ZNF732: variants seen among roughly 807,000 people sequenced by gnomAD.
ZNF732 encodes the protein zinc finger protein 732, also known as zinc finger protein LOC654254.
In ZNF732, 12 loss-of-function variants were observed where a neutral mutation model predicts 11.5. The observed-to-expected ratio is 1.05, with a 90% CI of 0.67 to 1.70. The LOEUF (loss-of-function observed/expected upper bound fraction) is 1.70. Among genes scored for constraint, ZNF732 ranks in the 40% most tolerant of loss-of-function variants. The pLI, the probability that ZNF732 is intolerant of heterozygous loss-of-function variation, is 0.00. For missense variants in ZNF732, 702 were observed against 676.9 expected, an observed-to-expected ratio of 1.04 and a Z score of -0.41; for synonymous variants, 231 against 236.5, an observed-to-expected ratio of 0.98 and a Z score of 0.21.
Position 286,236 on chromosome 4 carries a change from C to T in ZNF732, c.226+9202G>A, listed in dbSNP as rs147823638. On this transcript the variant is annotated intron_variant, in intron 3 of 3. Transcript: ENST00000419098. ...GAGAAACATCAGAAGCATCATACAT[C>T]ATTACTTTAAAAACTAATTATGAAG... is the stretch of plus-strand genomic sequence containing the variant. Among the ~76,000 whole-genome samples, 998 of 152,282 alleles carry T rather than the reference C, an allele frequency of 6.6e-3. 14 individuals carry two copies. Among genetic ancestry groups the T allele is most frequent in the African/African-American group, 0.023 (939 of 41,530 alleles).
chr4:295,475 G>C lies in ZNF732; in HGVS notation c.189C>G (p.Tyr63Ter), dbSNP rs949564617. Reference protein sequence around the residue: ...VIYLEQRKEPYKVKIHETVAK... With the variant: ...VIYLEQRKEP ...CTACTGTCTCATGTATCTTCACTTT[G>C]TAGGGCTCCTTTCTTTGCTCCAGAT... is the stretch of plus-strand genomic sequence containing the variant. Residue 63 changes from tyrosine (Y) to a stop codon, truncating the protein, a stop_gained, in exon 3 of 4, where the codon TAC becomes TAG. Coordinates refer to ENST00000419098, the MANE Select transcript of ZNF732 (RefSeq NM_001137608.3). LOFTEE classifies it low-confidence loss of function (END_TRUNC). 1.9e-6 allele frequency: 3 copies of C among 1,611,968 alleles called. No individual in the cohort carries two copies. The African/African-American group carries it at 4.0e-5, about 22-fold the overall frequency.
At chr4:283,123 C>T (rs1005260404) in intron 3 of ZNF732, among the ~76,000 whole-genome samples, 6 of 152,048 alleles carry the variant, frequency 3.9e-5, no homozygotes, top group African/African-American at 9.7e-5. Flanking sequence ...CATTATTCCA[C>T]GAGTGGGTTA....
chr4:271,787 G>T lies in ZNF732; in HGVS notation c.1070C>A (p.Thr357Asn), dbSNP rs782528668. 1 of 1,612,280 alleles carries T rather than the reference G, an allele frequency of 6.2e-7. No individual in the cohort carries two copies. ...TTCACATTTGTAGGGCTTCTCTCCA[G>T]TATGAATTCTCTTATGTTCATTCAG... is the stretch of plus-strand genomic sequence containing the variant. ...SVLNEHKRIHTGEKPYKCEQC... is the reference protein window; with the variant it reads ...SVLNEHKRIHNGEKPYKCEQC... Residue 357 changes from threonine to asparagine, a missense_variant, in exon 4 of 4, where the codon ACT becomes AAT. Coordinates refer to ENST00000419098, the MANE Select transcript of ZNF732 (RefSeq NM_001137608.3).
intron 3 of ZNF732, among the ~76,000 whole-genome samples, chr4:294,620 A>T (rs956770743): frequency 6.6e-6 from 1 of 152,184 alleles, no homozygotes; most frequent in Non-Finnish European, 1.5e-5. Context: ...CAAAACTTTG[A>T]ATGAGAGGGC....
At chr4:295,093 T>C (rs1719917370) in intron 3 of ZNF732, among the ~76,000 whole-genome samples, 1 of 152,074 alleles carries the variant, frequency 6.6e-6, no homozygotes, top group Non-Finnish European at 1.5e-5. Context: ...AAAAAGAATA[T>C]TTGAAAAAAA....
Position 271,028 on chromosome 4 carries a change from C to T in ZNF732, c.*71G>A. ...TTCTTCACATTTGTATAGTTTATTT[C>T]CAGTATAAATTTTCTTATGTTCATT... is the stretch of plus-strand genomic sequence containing the variant. On this transcript the variant is annotated 3_prime_UTR_variant, in exon 4 of 4. Transcript: ENST00000419098. 1 of 1,208,304 alleles carries T rather than the reference C, an allele frequency of 8.3e-7. No individual in the cohort carries two copies. The highest frequency in any genetic ancestry group is 1.2e-6 in the Non-Finnish European group (1 of 866,858). The allele number at this position is 1,208,304 out of a possible 1,614,324, so 74.8% of individuals were successfully genotyped here. A position where few individuals can be genotyped will look rare whatever the true frequency, so the allele number is the denominator to read the frequency against.
In ZNF732 at chr4:271,587, C is replaced by T; in HGVS notation, c.1270G>A (p.Gly424Ser). 1.2e-6 allele frequency: 2 copies of T among 1,613,280 alleles called. No homozygotes were observed. The highest frequency in any genetic ancestry group is 1.3e-5 in the African/African-American group (1 of 75,040). The change falls in exon 4 of 4, where the codon GGC (glycine) becomes AGC (serine). Residue 424 changes from glycine to serine, a missense_variant. Gly to Ser is a moderately conservative substitution (Grantham distance 56). Transcript: ENST00000419098. ...GERPHKCEEC[G>S]KAFGWSTDLN... The stretch of plus-strand genomic sequence containing the variant: ...TCTGTGGACCATCCAAAGGCTTTGC[C>T]ACACTCTTCACATTTGTGGGGCCTC...
rs1210029477 is a variant in ZNF732 at position 271,384 on chromosome 4, T to G, written c.1473A>C (p.Lys491Asn). 6.3e-7 allele frequency: 1 copy of G among 1,599,212 alleles called. No individual in the cohort carries two copies. Among genetic ancestry groups the G allele is most frequent in the Non-Finnish European group, 8.5e-7 (1 of 1,172,426 alleles). Residue 491 changes from lysine (K) to asparagine (N), a missense_variant, in exon 4 of 4, where the codon AAA (lysine) becomes AAC (asparagine). Lys to Asn is a moderately conservative substitution (Grantham distance 94). Around this residue, in one of 3 missense-constraint regions of ZNF732, gnomAD observed 12 missense variants for 31.5 expected, o/e 0.38. Transcript: ENST00000419098. Reference sequence around the variant, plus strand: ...TCTCTCCAGTATGAATTGTCTTATGTTTATTCAGGGCTCTGGAACATAAAA... The same window carrying G: ...TCTCTCCAGTATGAATTGTCTTATGGTTATTCAGGGCTCTGGAACATAAAA... ...KAFLCSRALN[K>N]HKTIHTGEKP...
intron 1 of ZNF732, among the ~76,000 whole-genome samples, 200 bp from the exon 2 acceptor site, chr4:296,355 A>T (rs1322137622): frequency 1.3e-5 from 2 of 152,138 alleles, no homozygotes; most frequent in Non-Finnish European, 2.9e-5. Flanking sequence ...CAATAAAAAT[A>T]ACGGGCTACA....
At chr4:292,896 A>C (rs1553841548) in intron 3 of ZNF732, among the ~76,000 whole-genome samples, 3 of 125,180 alleles carry the variant, frequency 2.4e-5, no homozygotes, top group Admixed American at 7.6e-5. Context: ...AACACAAAAA[A>C]AAAAAAAAAA....
intron 3 of ZNF732, among the ~76,000 whole-genome samples, chr4:288,944 G>A (rs934583744): frequency 1.1e-4 from 16 of 152,074 alleles, no homozygotes; most frequent in African/African-American, 3.9e-4. Flanking sequence ...GTTTATCCTC[G>A]TATTGCTATA....
rs539105679 is a variant in ZNF732 at position 273,810 on chromosome 4, A to G, written c.227-1180T>C. ...CTGTGGTCTTAAAAGATTACCAGTG[A>G]ATCTGTCAACAAAACTATTTCGCAA... On this transcript the variant is annotated intron_variant, in intron 3 of 3. Coordinates refer to ENST00000419098, the MANE Select transcript of ZNF732 (RefSeq NM_001137608.3). 1.3e-4 allele frequency among the ~76,000 whole-genome samples: 20 copies of G among 151,886 alleles called. No individual in the cohort carries two copies. The South Asian group carries it at 4.1e-3, about 31-fold the overall frequency.
intron 3 of ZNF732, 54 bp from the exon 4 acceptor site, chr4:272,684 TTAAAAATC>T (rs1719415657): frequency 7.2e-7 from 1 of 1,389,042 alleles, no homozygotes. Flanking sequence ...CGAATATACT[TTAAAAATC>T]TAATATATAA....
At chr4:299,502 TAC>T (rs1211729570) in intron 1 of ZNF732, among the ~76,000 whole-genome samples, 14 of 105,582 alleles carry the variant, frequency 1.3e-4, no homozygotes, top group East Asian at 5.4e-4. Flanking sequence ...TGTGTATATA[TAC>T]ACACATATAC....
At chr4:301,774 G>A (rs747749859) in intron 1 of ZNF732, among the ~76,000 whole-genome samples, 4 of 152,174 alleles carry the variant, frequency 2.6e-5, no homozygotes, top group East Asian at 1.9e-4. Context: ...TATAAATGAC[G>A]AGTTAATGGG....
At position 272,476 on chromosome 4, in the gene ZNF732, AT is replaced by A. The variant is rs781854020; in HGVS notation, c.380del (p.Asn127MetfsTer35). On this transcript the variant is annotated frameshift_variant, in exon 4 of 4. Transcript: ENST00000419098. LOFTEE classifies it low-confidence loss of function (END_TRUNC). The stretch of plus-strand genomic sequence containing the variant: ...TAGTTGACAAGCATTGATTAAATTC[AT>A]TATAACCTCCTTTCTGCACCTTCCT... ...CKRKVQKGGY[N>X]EFNQCLSTIQ... The A allele has an allele frequency of 8.1e-6, 13 of 1,602,472 alleles. No homozygotes were observed. The Admixed American group carries it at 2.1e-4, about 26-fold the overall frequency.
chr4:304,574 C>T (rs570728426), intron 1 of ZNF732, among the ~76,000 whole-genome samples: 9 of 150,264 alleles, frequency 6.0e-5, no homozygotes, highest in East Asian at 2.0e-4. Flanking sequence ...CTGCCCCCCC[C>T]CTGCAGACGG....
chr4:275,609 A>G (rs1351065870), intron 3 of ZNF732, among the ~76,000 whole-genome samples: 5 of 151,804 alleles, frequency 3.3e-5, no homozygotes, highest in African/African-American at 9.7e-5. Context: ...GGTCACATGA[A>G]GAGTAATTTA....
In ZNF732 at chr4:272,141, G is replaced by C. The variant is rs1553837790; in HGVS notation, c.716C>G (p.Ala239Gly). Residue 239 changes from alanine to glycine, a missense_variant, in exon 4 of 4, where the codon GCT (alanine) becomes GGT (glycine). Physicochemically the swap from Ala to Gly is moderately conservative, Grantham distance 60 (BLOSUM62 0). Transcript: ENST00000419098. ...CTCTCCAGTATGAACTTTATGTTTA[G>C]CAAAGTTTGAGGATGTGGTAAAGAT... ...GNIFTTSSNF[A>G]KHKVHTGEKS... is the part of the protein sequence containing the mutation. 1 of 1,612,418 alleles carries C rather than the reference G, an allele frequency of 6.2e-7. No homozygotes were observed. The highest frequency in any genetic ancestry group is 1.7e-5 in the Admixed American group (1 of 59,898).
Sources: allele counts gnomAD v4.1 joint callset (sites outside exome capture counted in the v4.1 genomes callset), GRCh38; gene constraint gnomAD v4.1.1; regional missense constraint gnomAD v4.1.1; transcripts MANE v1.5; gene names NCBI Gene and HGNC (gene_info 2026-07-23, HGNC 2026-07-21).